The following CNTNAP2 variants were observed in gnomAD, a reference collection of about 807,000 sequenced individuals.
CNTNAP2 encodes contactin-associated protein-like 2.
Under a neutral mutation model 155.2 loss-of-function variants are expected in CNTNAP2, and 98 were observed. That is an observed-to-expected ratio of 0.63 (90% CI 0.54 to 0.75). The LOEUF (loss-of-function observed/expected upper bound fraction) is 0.75, where lower values mean the gene tolerates loss of function less well. CNTNAP2 is among the 30% of genes least tolerant of loss of function. The pLI is 0.00. For synonymous variants in CNTNAP2, 651 were observed against 631.2 expected (o/e 1.03, Z -0.47); for missense variants, 1,727 against 1,688.1 (o/e 1.02, Z -0.40).
At chr7:146,266,533 C>G (rs1799996653) in intron 1 of CNTNAP2, among the ~76,000 whole-genome samples, 1 of 152,042 alleles carries the variant, frequency 6.6e-6, no homozygotes, top group African/African-American at 2.4e-5. Flanking sequence ...TGTGGAGAGA[C>G]TGATGTTCTC....
rs557540387 is a variant in CNTNAP2, at chr7:146,477,939, G to T, written c.98-296332G>T. On this transcript the variant is annotated intron_variant, in intron 1 of 23. Transcript: ENST00000361727. ...CTACCGTCCTCCACAAGCACACACGGCCCCTCATAACACAAAATAAGCACT... is the reference window on the plus strand; with the variant it reads ...CTACCGTCCTCCACAAGCACACACGTCCCCTCATAACACAAAATAAGCACT... Among the ~76,000 whole-genome samples the T allele has an allele frequency of 3.3e-5, 5 of 152,160 alleles. No individual in the cohort carries two copies. The East Asian group carries it at 9.7e-4, about 29-fold the overall frequency.
At chr7:146,769,104 G>A (rs1441900167) in intron 1 of CNTNAP2, among the ~76,000 whole-genome samples, 1 of 152,174 alleles carries the variant, frequency 6.6e-6, no homozygotes, top group Non-Finnish European at 1.5e-5. Flanking sequence ...CTGAAATTGT[G>A]TGAAAATAAA....
chr7:146,569,086 G>A (rs975997286), intron 1 of CNTNAP2, among the ~76,000 whole-genome samples: 1 of 151,780 alleles, frequency 6.6e-6, no homozygotes, highest in South Asian at 2.1e-4. Context: ...GCGCAATCTT[G>A]GCTCACCGCA....
intron 1 of CNTNAP2, among the ~76,000 whole-genome samples, chr7:146,358,573 C>T (rs1795037848): frequency 6.6e-6 from 1 of 152,128 alleles, no homozygotes; most frequent in Admixed American, 6.6e-5. Context: ...GATATTCCAG[C>T]TGGATTATGA....
intron 1 of CNTNAP2, among the ~76,000 whole-genome samples, chr7:146,522,845 T>C (rs1029725870): frequency 1.1e-4 from 16 of 151,388 alleles, no homozygotes; most frequent in African/African-American, 3.9e-4. Context: ...TGGTAAAATA[T>C]CTGCTCTTTA....
intron 1 of CNTNAP2, among the ~76,000 whole-genome samples, chr7:146,226,047 G>T (rs1389486746): frequency 1.3e-5 from 2 of 152,168 alleles, no homozygotes; most frequent in Non-Finnish European, 1.5e-5. Context: ...TTTTTAAACA[G>T]ATTTAGCTCT....
At chr7:147,002,525 C>T (rs572674611) in intron 3 of CNTNAP2, among the ~76,000 whole-genome samples, 6 of 152,076 alleles carry the variant, frequency 3.9e-5, no homozygotes, top group African/African-American at 1.2e-4. Context: ...ACAAACAAAA[C>T]GTCACGAAAT....
At chr7:147,557,375 T>A (rs977206763) in intron 11 of CNTNAP2, among the ~76,000 whole-genome samples, 1 of 152,180 alleles carries the variant, frequency 6.6e-6, no homozygotes, top group South Asian at 2.1e-4. Flanking sequence ...ATATTATGAA[T>A]ATATAGCATG....
intron 1 of CNTNAP2, among the ~76,000 whole-genome samples, chr7:146,324,767 G>T (rs1437358120): frequency 3.4e-5 from 5 of 148,930 alleles, no homozygotes; most frequent in Non-Finnish European, 5.9e-5. Flanking sequence ...CAAAAATATT[G>T]GAAGAGTAAT....
At chr7:147,864,376 T>C (rs1451187862) in intron 13 of CNTNAP2, among the ~76,000 whole-genome samples, 2 of 152,154 alleles carry the variant, frequency 1.3e-5, no homozygotes, top group Non-Finnish European at 2.9e-5. Flanking sequence ...CCTCCAGTTT[T>C]GGTCTTTTGG....
chr7:146,714,756 A>G (rs926742027), intron 1 of CNTNAP2, among the ~76,000 whole-genome samples: 1 of 152,166 alleles, frequency 6.6e-6, no homozygotes, highest in African/African-American at 2.4e-5. Context: ...ACAAAGATAA[A>G]CAGATACTTG....
intron 3 of CNTNAP2, among the ~76,000 whole-genome samples, chr7:146,931,140 T>C (rs951115187): frequency 2.2e-4 from 34 of 151,302 alleles, no homozygotes; most frequent in Non-Finnish European, 4.7e-4. Flanking sequence ...TACATTCTTT[T>C]CAGCACCACA....
chr7:147,873,293 G>C (rs1179810183), intron 13 of CNTNAP2, among the ~76,000 whole-genome samples: 1 of 152,144 alleles, frequency 6.6e-6, no homozygotes, highest in Non-Finnish European at 1.5e-5. Flanking sequence ...AATTGTATTA[G>C]TCCATTCTCA....
At chr7:147,362,981 T>G (rs1248991447) in intron 9 of CNTNAP2, among the ~76,000 whole-genome samples, 19 of 152,174 alleles carry the variant, frequency 1.2e-4, no homozygotes, top group Non-Finnish European at 1.5e-4. Flanking sequence ...GTCTATTCAG[T>G]GATGACTGAA....
chr7:147,372,685 C>A (rs942473140), intron 9 of CNTNAP2, among the ~76,000 whole-genome samples: 41 of 152,160 alleles, frequency 2.7e-4, no homozygotes, highest in African/African-American at 7.9e-4. Context: ...GACCTTGTCT[C>A]CCTTGAAAAT....
chr7:147,356,328 A>C (rs1796061403), intron 9 of CNTNAP2, among the ~76,000 whole-genome samples: 2 of 152,144 alleles, frequency 1.3e-5, no homozygotes, highest in African/African-American at 4.8e-5. Flanking sequence ...CCAATATCAT[A>C]TTGAATGGGC....
intron 1 of CNTNAP2, among the ~76,000 whole-genome samples, chr7:146,677,911 G>A (rs1800431097): frequency 6.6e-6 from 1 of 151,996 alleles, no homozygotes; most frequent in Non-Finnish European, 1.5e-5. Flanking sequence ...GGAGGGTGAA[G>A]GCATGACTGA....
chr7:146,380,883 C>T (rs1041602585), intron 1 of CNTNAP2, among the ~76,000 whole-genome samples: 24 of 144,986 alleles, frequency 1.7e-4, no homozygotes, highest in East Asian at 1.0e-3. Flanking sequence ...CTGCAGGCTC[C>T]GCCCCCTGGG....
chr7:147,902,854 GTTTA>G (rs59773764), intron 13 of CNTNAP2, among the ~76,000 whole-genome samples: 51,735 of 148,448 alleles, frequency 0.35, 9,185 homozygotes, highest in Middle Eastern at 0.44. Context: ...ATGAGAAACA[GTTTA>G]TTTATCCATT....
Sources: gnomAD v4.1 joint callset for allele counts (sites outside exome capture counted in the v4.1 genomes callset) on GRCh38, gnomAD v4.1.1 for gene constraint, MANE v1.5 for transcripts, NCBI Gene and HGNC (gene_info 2026-07-23, HGNC 2026-07-21) for gene names.